The following YJU2B variants were observed in gnomAD, a reference collection of about 807,000 sequenced individuals.
The protein encoded by YJU2B is probable splicing factor YJU2B.
A neutral mutation model predicts 38.0 loss-of-function variants in YJU2B; 18 were observed. That is an observed-to-expected ratio of 0.47 (90% confidence interval 0.33 to 0.70). The LOEUF is 0.70. YJU2B is among the 30% of genes least tolerant of loss of function. The pLI, the probability that YJU2B is intolerant of heterozygous loss-of-function variation, is 0.02. For missense variants in YJU2B, 538 were observed against 556.3 expected, an observed-to-expected ratio of 0.97 and a Z score of 0.33; for synonymous variants, 246 against 225.4, an observed-to-expected ratio of 1.09 and a Z score of -0.82.
chr19:13,736,242 TTTTC>T (rs1367768107), intron 2 of YJU2B, among the ~76,000 whole-genome samples: 3 of 144,046 alleles, frequency 2.1e-5, no homozygotes, highest in South Asian at 4.4e-4. Context: ...ATCCACCTGC[TTTTC>T]TTTCTTTCTT....
chr19:13,742,851 G>C (rs1193961322), intron 2 of YJU2B, among the ~76,000 whole-genome samples: 2 of 152,210 alleles, frequency 1.3e-5, no homozygotes, highest in African/African-American at 4.8e-5. Flanking sequence ...GATGGACTGA[G>C]TGAGATTATT....
rs1973787465 is a variant in YJU2B at position 13,759,190 on chromosome 19, C to T, written c.491C>T (p.Pro164Leu). ...ADRSTLKKAL[P>L]TLSHIQEAQS... is the part of the protein sequence containing the mutation. ...CGCAGCACACTCAAGAAGGCGCTGC[C>T]CACACTGAGCCACATCCAGGAGGCC... is the stretch of plus-strand genomic sequence containing the variant. The change falls in exon 8 of 10, where the codon CCC (proline) becomes CTC (leucine). Residue 164 changes from proline to leucine, a missense_variant. By Grantham distance (98) the Pro-to-Leu change is moderately conservative (BLOSUM62 -3). Coordinates refer to ENST00000221554, the MANE Select transcript of YJU2B (RefSeq NM_030818.4). 6.2e-7 allele frequency: 1 copy of T among 1,613,376 alleles called. No individual in the cohort carries two copies. The highest frequency in any genetic ancestry group is 1.3e-5 in the African/African-American group (1 of 75,040).
chr19:13,757,931 A>G (rs1973732289), intron 6 of YJU2B, 85 bp downstream of exon 6: 3 of 1,201,192 alleles, frequency 2.5e-6, no homozygotes, highest in African/African-American at 1.5e-5. Context: ...TGCGGGGGGA[A>G]CCCATTCCCT....
chr19:13,746,695 T>A (rs551973019), upstream of YJU2B, among the ~76,000 whole-genome samples: 1 of 151,762 alleles, frequency 6.6e-6, no homozygotes, highest in African/African-American at 2.4e-5. Flanking sequence ...TCACCTGAGG[T>A]TGGGACTTCC....
At position 13,759,191 on chromosome 19, in the gene YJU2B, C is replaced by T. The variant is rs1235738831; in HGVS notation, c.492C>T (p.Pro164=). The change falls in exon 8 of 10, where the codon CCC becomes CCT. Residue 164 remains proline, a synonymous_variant. Coordinates refer to ENST00000221554, the MANE Select transcript of YJU2B (RefSeq NM_030818.4). The stretch of plus-strand genomic sequence containing the variant: ...GCAGCACACTCAAGAAGGCGCTGCC[C>T]ACACTGAGCCACATCCAGGAGGCCC... ...ADRSTLKKAL[P]TLSHIQEAQS... 1 of 1,613,380 alleles carries T rather than the reference C, an allele frequency of 6.2e-7. No individual in the cohort carries two copies. The highest frequency in any genetic ancestry group is 8.5e-7 in the Non-Finnish European group (1 of 1,179,748).
intron 2 of YJU2B, among the ~76,000 whole-genome samples, chr19:13,752,110 A>G (rs1027733883): frequency 1.3e-5 from 2 of 151,958 alleles, no homozygotes; most frequent in African/African-American, 4.8e-5. Flanking sequence ...TCAAGCAAGC[A>G]CGTCCCACTA....
chr19:13,739,076 T>TAAAC (rs905117580), intron 2 of YJU2B, among the ~76,000 whole-genome samples: 2 of 151,908 alleles, frequency 1.3e-5, no homozygotes, highest in East Asian at 1.9e-4. Context: ...AATAAATAAA[T>TAAAC]AAACAAACAA....
At chr19:13,751,086 G>T (rs932953610) in intron 1 of YJU2B, among the ~76,000 whole-genome samples, 1 of 152,094 alleles carries the variant, frequency 6.6e-6, no homozygotes, top group Non-Finnish European at 1.5e-5. Context: ...ATGAATCATG[G>T]GAGGGGTTTA....
In YJU2B at chr19:13,762,493, T is replaced by TG. The variant is rs1038678135; in HGVS notation, c.712+62dup. The TG allele has an allele frequency of 1.9e-4, 298 of 1,591,916 alleles. No homozygotes were observed. The Admixed American group carries it at 2.5e-3, about 13-fold the overall frequency. ...AGGGAGGCTCAGAGTTGCCTGGAGATGGGGGGTCCTCAGCCATGAGTGGAC... is the reference window on the plus strand; with the variant it reads ...AGGGAGGCTCAGAGTTGCCTGGAGATGGGGGGGTCCTCAGCCATGAGTGGAC... On this transcript the variant is annotated intron_variant, in intron 9 of 9. Coordinates refer to ENST00000221554, the MANE Select transcript of YJU2B (RefSeq NM_030818.4).
At chr19:13,745,742 T>G (rs12985794), upstream of YJU2B, among the ~76,000 whole-genome samples, 7 of 90,874 alleles carry the variant, frequency 7.7e-5, no homozygotes, top group South Asian at 3.5e-4. Flanking sequence ...TATATATATA[T>G]AGATATATAT....
intron 4 of YJU2B, among the ~76,000 whole-genome samples, chr19:13,756,685 G>A (rs1413445451): frequency 6.6e-6 from 1 of 152,122 alleles, no homozygotes; most frequent in African/African-American, 2.4e-5. Flanking sequence ...AAAAAAGACA[G>A]TGATCGTAGT....
chr19:13,735,775 G>A (rs761256832), intron 2 of YJU2B, among the ~76,000 whole-genome samples: 2 of 152,034 alleles, frequency 1.3e-5, no homozygotes, highest in East Asian at 1.9e-4. Flanking sequence ...TCTTGCGGCC[G>A]GGTGCGGTGG....
chr19:13,733,797 C>T (rs1195417665), intron 2 of YJU2B, among the ~76,000 whole-genome samples: 3 of 152,214 alleles, frequency 2.0e-5, no homozygotes, highest in Non-Finnish European at 2.9e-5. Flanking sequence ...AAAATGTCTG[C>T]AGACATTGCC....
At chr19:13,740,665 T>G (rs962878597) in intron 2 of YJU2B, among the ~76,000 whole-genome samples, 1 of 152,084 alleles carries the variant, frequency 6.6e-6, no homozygotes, top group South Asian at 2.1e-4. Flanking sequence ...GCCTCCCGAA[T>G]AGCTGGGATT....
rs77138287 is a variant in YJU2B, at chr19:13,760,504, C to A, written c.573+1232C>A. Among the ~76,000 whole-genome samples the A allele has an allele frequency of 1.2e-4, 19 of 152,288 alleles. No homozygotes were observed. The East Asian group carries it at 1.3e-3, about 11-fold the overall frequency. ...CGTTGAGGATTAAGCTTCAACATAT[C>A]AATTTGGGGGACACAGACATTGAGA... On this transcript the variant is annotated intron_variant, in intron 8 of 9. Coordinates refer to ENST00000221554, the MANE Select transcript of YJU2B (RefSeq NM_030818.4).
In YJU2B at chr19:13,763,193, C is replaced by A. The variant is rs1973990217; in HGVS notation, c.*125C>A. ...GAGAGCTCAGATGCCGCATCCTCCC[C>A]AGACCGCGCCTTCCTGCAACCGTGG... On this transcript the variant is annotated 3_prime_UTR_variant, in exon 10 of 10. Transcript: ENST00000221554. 1 of 712,932 alleles carries A rather than the reference C, an allele frequency of 1.4e-6. No homozygotes were observed. Among genetic ancestry groups the A allele is most frequent in the Non-Finnish European group, 2.3e-6 (1 of 443,546 alleles). The allele number at this position is 712,932 out of a possible 1,614,324, so 44.2% of individuals were successfully genotyped here. A position where few individuals can be genotyped will look rare whatever the true frequency, so the allele number is the denominator to read the frequency against.
chr19:13,741,935 G>A (rs1973105194), intron 2 of YJU2B, among the ~76,000 whole-genome samples: 1 of 152,092 alleles, frequency 6.6e-6, no homozygotes, highest in South Asian at 2.1e-4. Flanking sequence ...TCCTCCCTAA[G>A]AATCTCATCA....
upstream of YJU2B, among the ~76,000 whole-genome samples, chr19:13,747,445 G>A (rs1164956367): frequency 1.3e-5 from 2 of 152,204 alleles, no homozygotes; most frequent in Admixed American, 6.5e-5. Flanking sequence ...GAGACTAGCC[G>A]GGGCAACATA....
chr19:13,749,196 G>GT (rs760919257), intron 1 of YJU2B, among the ~76,000 whole-genome samples: 5 of 152,118 alleles, frequency 3.3e-5, no homozygotes, highest in Admixed American at 6.5e-5. Context: ...TAGAGACAGG[G>GT]TTTCACCATG....
Sources: gnomAD v4.1 joint callset for allele counts (sites outside exome capture counted in the v4.1 genomes callset) on GRCh38, gnomAD v4.1.1 for gene constraint, MANE v1.5 for transcripts, NCBI Gene and HGNC (gene_info 2026-07-23, HGNC 2026-07-21) for gene names.